CNOT11: variants seen among roughly 807,000 people sequenced by gnomAD.
CNOT11 encodes the protein UPF0760 protein C2orf29.
Under a neutral mutation model 44.6 loss-of-function variants are expected in CNOT11, and 18 were observed. The ratio of observed to expected loss-of-function variants is 0.40; its 90% confidence interval spans 0.28 to 0.60. The LOEUF (loss-of-function observed/expected upper bound fraction) is 0.60. Ranked by LOEUF, CNOT11 falls within the 20% of genes least tolerant of loss-of-function variation. The pLI is 0.38. For missense variants in CNOT11, 513 were observed against 677.0 expected, an observed-to-expected ratio of 0.76 and a Z score of 2.69; for synonymous variants, 291 against 270.9, an observed-to-expected ratio of 1.07 and a Z score of -0.73.
Position 101,269,050 on chromosome 2 carries a change from G to C in CNOT11, c.1249G>C (p.Ala417Pro), listed in dbSNP as rs1046203325. The change falls in exon 6 of 7, where the codon GCT becomes CCT. Residue 417 changes from alanine to proline, a missense_variant. Transcript: ENST00000289382. This position sits in a 1 kb window ranked among gnomAD's most constrained non-coding sequence, Gnocchi z 4.8. ...TCTTTTACGAAACAGACTAACTACA[G>C]CTGTTGATCTACCTCCTGAATTTAT... ...SMEVVNRLTTAVDLPPEFIHL... is the reference protein window; with the variant it reads ...SMEVVNRLTTPVDLPPEFIHL... The C allele has an allele frequency of 6.2e-7, 1 of 1,603,464 alleles. No individual in the cohort carries two copies. Among genetic ancestry groups the C allele is most frequent in the Non-Finnish European group, 8.5e-7 (1 of 1,173,966 alleles).
At chr2:101,268,696 CA>C (rs999831517) in intron 5 of CNOT11, among the ~76,000 whole-genome samples, 3 of 152,182 alleles carry the variant, frequency 2.0e-5, no homozygotes, top group African/African-American at 7.2e-5. Context: ...CTCATTAAAA[CA>C]TTCCATGTAA....
Position 101,269,376 on chromosome 2 carries a change from C to A in CNOT11, c.1496C>A (p.Thr499Asn). Residue 499 changes from threonine to asparagine, a missense_variant, in exon 7 of 7, where the codon ACT (threonine) becomes AAT (asparagine). Thr to Asn is a moderately conservative substitution (Grantham distance 65). Coordinates refer to ENST00000289382, the MANE Select transcript of CNOT11 (RefSeq NM_017546.5). The surrounding 1 kb of genome is among the most constrained non-coding windows in gnomAD (Gnocchi z 4.8). ...TTCCGGTTGTTGAAGACATTGGATACTGGGGAAACACCTTCTGAGACCAAA... is the reference window on the plus strand; with the variant it reads ...TTCCGGTTGTTGAAGACATTGGATAATGGGGAAACACCTTCTGAGACCAAA... ...GLFRLLKTLD[T>N]GETPSETKMS... The A allele has an allele frequency of 1.2e-6, 2 of 1,614,060 alleles. No individual in the cohort carries two copies. The highest frequency in any genetic ancestry group is 8.5e-7 in the Non-Finnish European group (1 of 1,179,998).
Position 101,252,931 on chromosome 2 carries a change from T to C in CNOT11, c.-34T>C, listed in dbSNP as rs1398261437. 2 of 1,403,688 alleles carry C rather than the reference T, an allele frequency of 1.4e-6. No homozygotes were observed. The highest frequency in any genetic ancestry group is 3.5e-5 in the Admixed American group (1 of 28,696). The allele number at this position is 1,403,688 out of a possible 1,614,324, so 87.0% of individuals were successfully genotyped here. ...CGGAGCGAGCCGGCGCCAGGGCCCCTCGGGCCGGGAAGAGGGGAAGGGGAG... is the reference window on the plus strand; with the variant it reads ...CGGAGCGAGCCGGCGCCAGGGCCCCCCGGGCCGGGAAGAGGGGAAGGGGAG... On this transcript the variant is annotated 5_prime_UTR_variant, in exon 1 of 7. Coordinates refer to ENST00000289382, the MANE Select transcript of CNOT11 (RefSeq NM_017546.5).
rs1573204064 is a variant in CNOT11, at chr2:101,267,019, AC to A, written c.1238+141del. On this transcript the variant is annotated intron_variant, in intron 5 of 6. Transcript: ENST00000289382. Reference sequence around the variant, plus strand: ...AGAAATAATGTAAGCCTTAGCATTCACTACATGTAAATTTAGCATGCGTTAA... The same window carrying A: ...AGAAATAATGTAAGCCTTAGCATTCATACATGTAAATTTAGCATGCGTTAA... The A allele has an allele frequency of 6.4e-6, 4 of 621,652 alleles. No individual in the cohort carries two copies. The East Asian group carries it at 1.1e-4, about 17-fold the overall frequency. 38.5% of individuals were successfully genotyped at this position (621,652 alleles called of 1,614,324 possible).
intron 5 of CNOT11, 59 bp from the exon 6 acceptor site, chr2:101,268,981 C>T (rs1682052611): frequency 1.9e-6 from 2 of 1,080,576 alleles, no homozygotes; most frequent in South Asian, 2.8e-5. Context: ...TTATGGTTAA[C>T]AGTGTTTCTC....
intron 4 of CNOT11, among the ~76,000 whole-genome samples, chr2:101,266,087 G>A (rs764769906): frequency 6.6e-6 from 1 of 152,218 alleles, no homozygotes; most frequent in Non-Finnish European, 1.5e-5. Flanking sequence ...TAAAGAGGAA[G>A]TGCTTACTTC....
chr2:101,258,403 A>C (rs1378595465), intron 2 of CNOT11, among the ~76,000 whole-genome samples: 1 of 136,606 alleles, frequency 7.3e-6, no homozygotes, highest in Non-Finnish European at 1.5e-5. Flanking sequence ...CTCAATAAAT[A>C]AATAAATAAA....
rs1387340864 is a variant in CNOT11 at position 101,253,443 on chromosome 2, G to A, written c.479G>A (p.Arg160His). The stretch of plus-strand genomic sequence containing the variant: ...CTGCTCAACCCCGCGCCGCCCGCCC[G>A]CGGCGGCCAGGAACCCGACCGCCCT... Reference protein sequence around the residue: ...AHLLNPAPPARGGQEPDRPPL... With the variant: ...AHLLNPAPPAHGGQEPDRPPL... The change falls in exon 1 of 7, where the codon CGC becomes CAC. Residue 160 changes from arginine to histidine, a missense_variant. Physicochemically the swap from Arg to His is conservative, Grantham distance 29. Around this residue, in one of 4 missense-constraint regions of CNOT11, gnomAD observed 259 missense variants for 265.7 expected, o/e 0.97. Coordinates refer to ENST00000289382, the MANE Select transcript of CNOT11 (RefSeq NM_017546.5). The surrounding 1 kb of genome is among the most constrained non-coding windows in gnomAD (Gnocchi z 4.3). 6 of 1,522,568 alleles carry A rather than the reference G, an allele frequency of 3.9e-6. No homozygotes were observed. The highest frequency in any genetic ancestry group is 5.2e-6 in the Non-Finnish European group (6 of 1,146,870). The allele number at this position is 1,522,568 out of a possible 1,614,324, so 94.3% of individuals were successfully genotyped here.
Position 101,253,483 on chromosome 2 carries a change from C to A in CNOT11, c.514+5C>A. 6.8e-7 allele frequency: 1 copy of A among 1,464,208 alleles called. No individual in the cohort carries two copies. The highest frequency in any genetic ancestry group is 8.9e-7 in the Non-Finnish European group (1 of 1,117,544). 90.7% of individuals were successfully genotyped at this position (1,464,208 alleles called of 1,614,324 possible). A position where few individuals can be genotyped will look rare whatever the true frequency, so the allele number is the denominator to read the frequency against. ...CCGACCGCCCTCCGCTCTCAGGTACCTCCTGAAGCCAGCTGTGCCGTGTGG... is the reference window on the plus strand; with the variant it reads ...CCGACCGCCCTCCGCTCTCAGGTACATCCTGAAGCCAGCTGTGCCGTGTGG... On this transcript the variant is annotated splice_donor_5th_base_variant and intron_variant, in intron 1 of 6. Coordinates refer to ENST00000289382, the MANE Select transcript of CNOT11 (RefSeq NM_017546.5). The surrounding 1 kb of genome is among the most constrained non-coding windows in gnomAD (Gnocchi z 4.3).
chr2:101,259,409 C>G (rs966159397), intron 2 of CNOT11, among the ~76,000 whole-genome samples: 3 of 152,090 alleles, frequency 2.0e-5, no homozygotes, highest in Admixed American at 6.5e-5. Flanking sequence ...TTGAAGTAAA[C>G]AGTGTGTCCT....
chr2:101,257,141 C>T (rs987295895), intron 1 of CNOT11, among the ~76,000 whole-genome samples: 1 of 151,992 alleles, frequency 6.6e-6, no homozygotes, highest in Admixed American at 6.6e-5. Context: ...GCCTGTAATC[C>T]CAGCACTTTG....
In CNOT11 at chr2:101,269,039, GACTA is replaced by G; in HGVS notation, c.1243_1246del (p.Thr415GlnfsTer44). ...GGGCCAAATTTTCTTTTACGAAACAGACTAACTACAGCTGTTGATCTACCTCCTG... is the reference window on the plus strand; with the variant it reads ...GGGCCAAATTTTCTTTTACGAAACAGACTACAGCTGTTGATCTACCTCCTG... On this transcript the variant is annotated frameshift_variant and splice_region_variant, in exon 6 of 7. Transcript: ENST00000289382. LOFTEE classifies it high-confidence loss of function. This position sits in a 1 kb window ranked among gnomAD's most constrained non-coding sequence, Gnocchi z 4.8. 4 of 1,590,306 alleles carry G rather than the reference GACTA, an allele frequency of 2.5e-6. No homozygotes were observed. Among genetic ancestry groups the G allele is most frequent in the Non-Finnish European group, 3.4e-6 (4 of 1,166,754 alleles).
intron 2 of CNOT11, 165 bp from the exon 3 acceptor site, chr2:101,262,374 C>T (rs374989965): frequency 1.2e-5 from 7 of 580,824 alleles, no homozygotes; most frequent in Middle Eastern, 3.0e-4. Flanking sequence ...CTTTCAACAA[C>T]GCTAAGTGAG....
chr2:101,267,229 TCTC>T (rs571009128), intron 5 of CNOT11, among the ~76,000 whole-genome samples: 230 of 152,250 alleles, frequency 1.5e-3, no homozygotes, highest in Admixed American at 3.0e-3. Flanking sequence ...TTCAAGCAAT[TCTC>T]CTGCCTTAGC....
rs115404806 is a variant in CNOT11 at position 101,254,451 on chromosome 2, G to A, written c.514+973G>A. ...ATCCCATCAGGATCTTCTGATAGGT[G>A]TCCTGTAGTGCCCTTATCTAAGAAG... On this transcript the variant is annotated intron_variant, in intron 1 of 6. Transcript: ENST00000289382. 4.4e-3 allele frequency among the ~76,000 whole-genome samples: 674 copies of A among 152,232 alleles called. 3 individuals are homozygous for A. Among genetic ancestry groups the A allele is most frequent in the African/African-American group, 0.015 (642 of 41,538 alleles).
chr2:101,253,444 C>G lies in CNOT11; in HGVS notation c.480C>G (p.Arg160=). ...AHLLNPAPPA[R]GGQEPDRPPL... Reference sequence around the variant, plus strand: ...TGCTCAACCCCGCGCCGCCCGCCCGCGGCGGCCAGGAACCCGACCGCCCTC... The same window carrying G: ...TGCTCAACCCCGCGCCGCCCGCCCGGGGCGGCCAGGAACCCGACCGCCCTC... Residue 160 remains arginine (R), a synonymous_variant, in exon 1 of 7, where the codon CGC becomes CGG. Coordinates refer to ENST00000289382, the MANE Select transcript of CNOT11 (RefSeq NM_017546.5). The surrounding 1 kb of genome is among the most constrained non-coding windows in gnomAD (Gnocchi z 4.3). 1 of 1,522,800 alleles carries G rather than the reference C, an allele frequency of 6.6e-7. No individual in the cohort carries two copies. The allele number at this position is 1,522,800 out of a possible 1,614,324, so 94.3% of individuals were successfully genotyped here. A position where few individuals can be genotyped will look rare whatever the true frequency, so the allele number is the denominator to read the frequency against.
chr2:101,255,598 C>T (rs918531329), intron 1 of CNOT11, among the ~76,000 whole-genome samples: 2 of 152,076 alleles, frequency 1.3e-5, no homozygotes, highest in African/African-American at 4.8e-5. Flanking sequence ...TCAGTGCCTA[C>T]ACTCCACTCC....
At position 101,252,917 on chromosome 2, in the gene CNOT11, G is replaced by A. The variant is rs1347969636; in HGVS notation, c.-48G>A. 8 of 1,386,740 alleles carry A rather than the reference G, an allele frequency of 5.8e-6. No individual in the cohort carries two copies. In the South Asian group the frequency reaches 9.6e-5, roughly 17 times the overall value. 85.9% of individuals were successfully genotyped at this position (1,386,740 alleles called of 1,614,324 possible). ...TACGGCCGCGGGGACGGAGCGAGCC[G>A]GCGCCAGGGCCCCTCGGGCCGGGAA... On this transcript the variant is annotated 5_prime_UTR_variant, in exon 1 of 7. Coordinates refer to ENST00000289382, the MANE Select transcript of CNOT11 (RefSeq NM_017546.5).
Position 101,252,961 on chromosome 2 carries a change from G to T in CNOT11, c.-4G>T. ...CCGGGAAGAGGGGAAGGGGAGCGAG[G>T]TTGATGCCCGGCGGAGGGGCGAGCG... is the stretch of plus-strand genomic sequence containing the variant. On this transcript the variant is annotated 5_prime_UTR_variant, in exon 1 of 7. Coordinates refer to ENST00000289382, the MANE Select transcript of CNOT11 (RefSeq NM_017546.5). 1 of 1,470,628 alleles carries T rather than the reference G, an allele frequency of 6.8e-7. No individual in the cohort carries two copies. Among genetic ancestry groups the T allele is most frequent in the Non-Finnish European group, 8.9e-7 (1 of 1,119,388 alleles). The allele number at this position is 1,470,628 out of a possible 1,614,324, so 91.1% of individuals were successfully genotyped here. A position where few individuals can be genotyped will look rare whatever the true frequency, so the allele number is the denominator to read the frequency against.
Sources: gnomAD v4.1 joint callset for allele counts (sites outside exome capture counted in the v4.1 genomes callset) on GRCh38, gnomAD v4.1.1 for gene constraint, gnomAD v4.1.1 regional missense constraint, Gnocchi (gnomAD v3.1) non-coding constraint, MANE v1.5 for transcripts, NCBI Gene and HGNC (gene_info 2026-07-23, HGNC 2026-07-21) for gene names.